Variants in MYO1B observed in about 807,000 individuals in gnomAD.
MYO1B encodes the protein unconventional myosin-Ib.
Under a neutral mutation model 159.7 loss-of-function variants are expected in MYO1B, and 72 were observed. The observed-to-expected ratio is 0.45, with a 90% CI of 0.37 to 0.55. The LOEUF is 0.55. Ranked by LOEUF, MYO1B falls within the 20% of genes least tolerant of loss-of-function variation. MYO1B has a pLI of 0.00. For synonymous variants in MYO1B, 468 were observed against 473.8 expected (o/e 0.99, Z 0.16); for missense variants, 1,062 against 1,364.8 (o/e 0.78, Z 3.50).
chr2:191,312,081 C>T (rs1690036128), intron 3 of MYO1B, among the ~76,000 whole-genome samples: 1 of 152,220 alleles, frequency 6.6e-6, no homozygotes, highest in South Asian at 2.1e-4. Context: ...TTGTCCTTTT[C>T]TATATTTAGA....
In MYO1B at chr2:191,363,236, C is replaced by A. The variant is rs1693785681; in HGVS notation, c.766-492C>A. On this transcript the variant is annotated intron_variant, in intron 9 of 30. Coordinates refer to ENST00000392318, the MANE Select transcript of MYO1B (RefSeq NM_001130158.3). ...CTTGAGTCCAAGACTGGTTTTAGAACCACTTTGCCTGGCACGTAATTGGCA... is the reference window on the plus strand; with the variant it reads ...CTTGAGTCCAAGACTGGTTTTAGAAACACTTTGCCTGGCACGTAATTGGCA... Among the ~76,000 whole-genome samples, 3 of 152,312 alleles carry A rather than the reference C, an allele frequency of 2.0e-5. No homozygotes were observed. The South Asian group carries it at 6.2e-4, about 32-fold the overall frequency.
At position 191,420,021 on chromosome 2, in the gene MYO1B, C is replaced by T. The variant is rs144266117; in HGVS notation, c.3287+3779C>T. Among the ~76,000 whole-genome samples, 51 of 152,000 alleles carry T rather than the reference C, an allele frequency of 3.4e-4. No individual in the cohort carries two copies. The East Asian group carries it at 7.8e-3, about 23-fold the overall frequency. On this transcript the variant is annotated intron_variant, in intron 30 of 30. Transcript: ENST00000392318. ...TTCAATACCAGCCTGGGCGACATGA[C>T]GAAACCCCTTCTCAACAAAAAAATT...
At chr2:191,250,691 TG>T (rs1374647677) in intron 1 of MYO1B, among the ~76,000 whole-genome samples, 2 of 152,226 alleles carry the variant, frequency 1.3e-5, no homozygotes, top group Non-Finnish European at 2.9e-5. Context: ...TTCTGTAGGT[TG>T]ATTTCCTTCT....
chr2:191,258,004 G>A (rs187225912), intron 1 of MYO1B, among the ~76,000 whole-genome samples: 277 of 152,314 alleles, frequency 1.8e-3, no homozygotes, highest in African/African-American at 6.1e-3. Flanking sequence ...CCTAGACTTA[G>A]CATTGGTTTT....
In MYO1B at chr2:191,386,407, A is replaced by T. The variant is rs561328417; in HGVS notation, c.1554+323A>T. On this transcript the variant is annotated intron_variant, in intron 16 of 30. Coordinates refer to ENST00000392318, the MANE Select transcript of MYO1B (RefSeq NM_001130158.3). ...CTATTGAAGGAGATTTGCCAGTACA[A>T]ATTAAGAGTCAATAAAGACTTAAGG... Among the ~76,000 whole-genome samples, 53 of 152,354 alleles carry T rather than the reference A, an allele frequency of 3.5e-4. 1 individual carries two copies. In the South Asian group the frequency reaches 9.9e-3, roughly 29 times the overall value.
intron 2 of MYO1B, among the ~76,000 whole-genome samples, chr2:191,282,200 A>G (rs1423134542): frequency 6.6e-6 from 1 of 152,234 alleles, no homozygotes; most frequent in Non-Finnish European, 1.5e-5. Context: ...CTCTTGCTAC[A>G]AAATAAAGTG....
At chr2:191,252,674 G>C (rs1686193152) in intron 1 of MYO1B, among the ~76,000 whole-genome samples, 1 of 151,964 alleles carries the variant, frequency 6.6e-6, no homozygotes, top group African/African-American at 2.4e-5. Flanking sequence ...AATTTAACAG[G>C]GGACGGATCT....
At chr2:191,362,515 C>A in intron 9 of MYO1B, 144 bp downstream of exon 9, 1 of 538,720 alleles carries the variant, frequency 1.9e-6, no homozygotes, top group South Asian at 4.5e-5. Flanking sequence ...ATTTTTGTTA[C>A]TTTGATTTTT....
chr2:191,262,679 C>T (rs902997112), intron 1 of MYO1B, among the ~76,000 whole-genome samples: 1 of 151,978 alleles, frequency 6.6e-6, no homozygotes, highest in Non-Finnish European at 1.5e-5. Context: ...GACTCCTAGT[C>T]TAGCCTTGGC....
intron 1 of MYO1B, among the ~76,000 whole-genome samples, chr2:191,274,064 A>G (rs996752335): frequency 2.6e-5 from 4 of 152,162 alleles, no homozygotes; most frequent in African/African-American, 4.8e-5. Flanking sequence ...TTAGTGTCCT[A>G]TTTTTACCTT....
At chr2:191,353,573 G>A (rs1290387508) in intron 7 of MYO1B, among the ~76,000 whole-genome samples, 1 of 152,218 alleles carries the variant, frequency 6.6e-6, no homozygotes, top group Non-Finnish European at 1.5e-5. Flanking sequence ...CACAGCAGGT[G>A]TGTAAGTGCA....
intron 5 of MYO1B, 21 bp from the exon 6 acceptor site, chr2:191,346,215 C>T (rs1375757770): frequency 2.6e-6 from 4 of 1,533,176 alleles, no homozygotes; most frequent in South Asian, 1.2e-5. Flanking sequence ...TTTAACCATA[C>T]ATCTGTTTCT....
At chr2:191,405,322 A>G (rs1424293723) in intron 24 of MYO1B, among the ~76,000 whole-genome samples, 13 of 152,148 alleles carry the variant, frequency 8.5e-5, no homozygotes, top group East Asian at 1.9e-4. Flanking sequence ...TACTTCCTCC[A>G]CTAAAGTTGT....
At chr2:191,335,481 A>C (rs1691769124) in intron 4 of MYO1B, among the ~76,000 whole-genome samples, 1 of 152,202 alleles carries the variant, frequency 6.6e-6, no homozygotes, top group Non-Finnish European at 1.5e-5. Context: ...TAGAAATTTC[A>C]GTATATAGTT....
intron 6 of MYO1B, among the ~76,000 whole-genome samples, chr2:191,347,031 T>C (rs1488372093): frequency 6.6e-6 from 1 of 152,216 alleles, no homozygotes; most frequent in African/African-American, 2.4e-5. Flanking sequence ...GATGTATACA[T>C]TTTTATAATA....
chr2:191,340,799 C>A (rs1236457648), intron 4 of MYO1B, among the ~76,000 whole-genome samples: 1 of 151,676 alleles, frequency 6.6e-6, no homozygotes, highest in African/African-American at 2.4e-5. Flanking sequence ...GATCTCAGCT[C>A]ACTGCAACCT....
intron 26 of MYO1B, 34 bp downstream of exon 26, chr2:191,409,212 TTTC>T (rs1428810795): frequency 3.8e-6 from 6 of 1,587,488 alleles, no homozygotes; most frequent in African/African-American, 2.7e-5. Context: ...TTTCGGAGAC[TTTC>T]TTATTTATTT....
At chr2:191,275,948 G>A (rs1687725964) in intron 1 of MYO1B, among the ~76,000 whole-genome samples, 1 of 152,224 alleles carries the variant, frequency 6.6e-6, no homozygotes, top group Non-Finnish European at 1.5e-5. Flanking sequence ...AAGCCTTGGG[G>A]ATTACCATTC....
intron 13 of MYO1B, 68 bp downstream of exon 13, chr2:191,370,360 T>TA (rs1694282444): frequency 9.5e-7 from 1 of 1,056,016 alleles, no homozygotes; most frequent in East Asian, 2.4e-5. Flanking sequence ...AATCCTGTAT[T>TA]ATGTAGACAT....
Sources: gnomAD v4.1 joint callset for allele counts (sites outside exome capture counted in the v4.1 genomes callset) on GRCh38, gnomAD v4.1.1 for gene constraint, MANE v1.5 for transcripts, NCBI Gene and HGNC (gene_info 2026-07-23, HGNC 2026-07-21) for gene names.